The following TMEM217B variants were observed in gnomAD, a reference collection of about 807,000 sequenced individuals.
TMEM217B encodes transmembrane protein 217B, also known as putative transmembrane protein 217B.
the TMEM217B span, among the ~76,000 whole-genome samples, chr6:37,220,607 T>C: frequency 6.6e-6 from 1 of 152,184 alleles, no homozygotes; most frequent in African/African-American, 2.4e-5. Context: ...CTTTAAGTTA[T>C]AAATCTTGTT....
chr6:37,238,208 T>C, the TMEM217B span, among the ~76,000 whole-genome samples: 1 of 150,304 alleles, frequency 6.7e-6, no homozygotes, highest in African/African-American at 2.4e-5. Context: ...CCTCACAAAA[T>C]TGCTGTGAAG....
chr6:37,239,783 A>G, the TMEM217B span, among the ~76,000 whole-genome samples: 71 of 152,210 alleles, frequency 4.7e-4, no homozygotes, highest in African/African-American at 1.4e-3. Flanking sequence ...ATAAAGCTTT[A>G]GAGCCTAATT....
the TMEM217B span, chr6:37,217,514 A>G: frequency 6.1e-6 from 3 of 489,176 alleles, no homozygotes; most frequent in Non-Finnish European, 8.0e-6. Context: ...CAGTGTTCAC[A>G]CTACAGAGTA....
At chr6:37,222,925 C>G in the TMEM217B span, among the ~76,000 whole-genome samples, 2 of 151,874 alleles carry the variant, frequency 1.3e-5, no homozygotes, top group African/African-American at 2.4e-5. Context: ...CCATTACTAG[C>G]TGATTTGAAA....
the TMEM217B span, among the ~76,000 whole-genome samples, chr6:37,227,575 T>C: frequency 6.6e-6 from 1 of 152,086 alleles, no homozygotes; most frequent in Non-Finnish European, 1.5e-5. Context: ...GCCTCCCAAG[T>C]AGCTGGGACT....
chr6:37,212,206 A>G, the TMEM217B span: 11 of 323,330 alleles, frequency 3.4e-5, no homozygotes, highest in South Asian at 1.5e-4. Context: ...ACAAGGCCAC[A>G]TATCATTAAC....
the TMEM217B span, among the ~76,000 whole-genome samples, chr6:37,257,301 C>G: frequency 6.6e-6 from 1 of 152,142 alleles, no homozygotes; most frequent in East Asian, 1.9e-4. Flanking sequence ...CAATCCCGGG[C>G]TATCGGGTCC....
chr6:37,252,453 A>G, the TMEM217B span, among the ~76,000 whole-genome samples: 5 of 151,842 alleles, frequency 3.3e-5, no homozygotes, highest in Non-Finnish European at 7.4e-5. Context: ...CCTGGTTGAC[A>G]TACATACATA....
the TMEM217B span, among the ~76,000 whole-genome samples, chr6:37,248,029 G>A: frequency 9.6e-4 from 146 of 152,290 alleles, no homozygotes; most frequent in African/African-American, 3.1e-3. Context: ...ATAGTTCCAT[G>A]TAGGTCTCAT....
the TMEM217B span, among the ~76,000 whole-genome samples, chr6:37,244,826 C>T: frequency 2.6e-5 from 4 of 152,200 alleles, no homozygotes; most frequent in Admixed American, 2.0e-4. Flanking sequence ...TGTCTGAGGT[C>T]AACTGTTGGT....
the TMEM217B span, among the ~76,000 whole-genome samples, chr6:37,249,406 A>T: frequency 6.6e-6 from 1 of 152,010 alleles, no homozygotes; most frequent in Non-Finnish European, 1.5e-5. Flanking sequence ...TGCAACCTCC[A>T]CTTTCCAGGT....
chr6:37,225,349 G>A, the TMEM217B span, among the ~76,000 whole-genome samples: 1 of 151,996 alleles, frequency 6.6e-6, no homozygotes, highest in African/African-American at 2.4e-5. Context: ...TTGAATGAGA[G>A]ATTCACAAGT....
At chr6:37,252,617 G>A in the TMEM217B span, among the ~76,000 whole-genome samples, 140 of 112,246 alleles carry the variant, frequency 1.2e-3, no homozygotes, top group Middle Eastern at 4.4e-3. Context: ...GTATGTGTGT[G>A]TATATATATA....
At chr6:37,246,383 C>T in the TMEM217B span, among the ~76,000 whole-genome samples, 7 of 152,182 alleles carry the variant, frequency 4.6e-5, no homozygotes, top group Non-Finnish European at 8.8e-5. Flanking sequence ...ATGCTCTTCT[C>T]ATAGTGCAGG....
chr6:37,256,132 T>C, the TMEM217B span, among the ~76,000 whole-genome samples: 4 of 152,378 alleles, frequency 2.6e-5, no homozygotes, highest in Middle Eastern at 3.4e-3. Flanking sequence ...TAAAGCCATG[T>C]GCATAAGCTG....
the TMEM217B span, among the ~76,000 whole-genome samples, chr6:37,224,856 C>CAT: frequency 1.3e-5 from 2 of 151,878 alleles, no homozygotes; most frequent in Non-Finnish European, 2.9e-5. Context: ...TTTGGCCATA[C>CAT]ATATATATGT....
chr6:37,256,292 A>G, the TMEM217B span, among the ~76,000 whole-genome samples: 2 of 152,202 alleles, frequency 1.3e-5, no homozygotes, highest in East Asian at 3.9e-4. Flanking sequence ...TTACTCTTTC[A>G]AGACATCAAC....
At chr6:37,226,499 G>T in the TMEM217B span, among the ~76,000 whole-genome samples, 1 of 150,776 alleles carries the variant, frequency 6.6e-6, no homozygotes, top group Non-Finnish European at 1.5e-5. Flanking sequence ...GGGTTTCACC[G>T]TGTTAGCCAG....
At chr6:37,252,635 ATATTTTTTTTTTTT>A in the TMEM217B span, among the ~76,000 whole-genome samples, 2 of 60,384 alleles carry the variant, frequency 3.3e-5, no homozygotes, top group Non-Finnish European at 6.8e-5. Context: ...ATATATATAT[ATATTTTTTTTTTTT>A]TTTTTTTTTT....
Sources: allele counts gnomAD v4.1 joint callset (sites outside exome capture counted in the v4.1 genomes callset), GRCh38; gene constraint gnomAD v4.1.1; transcripts MANE v1.5; gene names NCBI Gene and HGNC (gene_info 2026-07-23, HGNC 2026-07-21).